The following SPC24 variants were observed in gnomAD, a reference collection of about 807,000 sequenced individuals.
SPC24 encodes the protein SPC24 component of NDC80 kinetochore complex.
SPC24 carries 31 observed loss-of-function variants against 27.6 expected under a neutral mutation model. The ratio of observed to expected loss-of-function variants is 1.12; its 90% CI spans 0.84 to 1.52. The LOEUF (loss-of-function observed/expected upper bound fraction) is 1.52. Ranked by LOEUF, SPC24 falls within the 40% of genes most tolerant of loss-of-function variation. The probability of loss-of-function intolerance (pLI) is 0.00; values close to 1 mark genes in which losing one functional copy is unlikely to be tolerated. For missense variants in SPC24, 284 were observed against 252.5 expected, an observed-to-expected ratio of 1.12 and a Z score of -0.84; for synonymous variants, 105 against 105.8, an observed-to-expected ratio of 0.99 and a Z score of 0.05.
Position 11,147,294 on chromosome 19 carries a change from G to GGCACAGATGTAAGGAAAGCCCGGGAC in SPC24, c.488-31_488-6dup. On this transcript the variant is annotated splice_region_variant and splice_polypyrimidine_tract_variant and intron_variant, in intron 4 of 4. Coordinates refer to ENST00000592540, the MANE Select transcript of SPC24 (RefSeq NM_182513.4). ...CCACACTGGGGCCATGATGGACTGA[G>GGCACAGATGTAAGGAAAGCCCGGGAC]GCACAGATGTAAGGAAAGCCCGGGA... 2 of 1,558,370 alleles carry GGCACAGATGTAAGGAAAGCCCGGGAC rather than the reference G, an allele frequency of 1.3e-6. No homozygotes were observed. Among genetic ancestry groups the GGCACAGATGTAAGGAAAGCCCGGGAC allele is most frequent in the Non-Finnish European group, 1.7e-6 (2 of 1,149,472 alleles).
In SPC24 at chr19:11,149,320, A is replaced by G. The variant is rs1164633304; in HGVS notation, c.161-82T>C. On this transcript the variant is annotated intron_variant, in intron 1 of 4. Transcript: ENST00000592540. The stretch of plus-strand genomic sequence containing the variant: ...AGAGAAGGTGGTTCCACTTGCCTCC[A>G]CTGGCAAGAAACATGCCCCTTGTCT... 10 of 1,304,714 alleles carry G rather than the reference A, an allele frequency of 7.7e-6. No homozygotes were observed. The East Asian group carries it at 2.0e-4, about 26-fold the overall frequency. 80.8% of individuals were successfully genotyped at this position (1,304,714 alleles called of 1,614,324 possible).
intron 1 of SPC24, among the ~76,000 whole-genome samples, chr19:11,153,660 T>C (rs911236794): frequency 9.3e-5 from 14 of 150,432 alleles, no homozygotes; most frequent in Admixed American, 8.0e-4. Context: ...CTTGGCAGGC[T>C]GAGGCAGGAG....
chr19:11,153,290 T>C (rs1483300121), intron 1 of SPC24, among the ~76,000 whole-genome samples: 1 of 134,766 alleles, frequency 7.4e-6, no homozygotes, highest in Non-Finnish European at 1.5e-5. Context: ...CCAAAAAAAA[T>C]ACAAAAAAAA....
chr19:11,155,533 G>A (rs1004205418), intron 1 of SPC24, 84 bp downstream of exon 1: 3 of 1,432,470 alleles, frequency 2.1e-6, no homozygotes, highest in African/African-American at 2.9e-5. Flanking sequence ...CAGGAGAGAA[G>A]GGGTTTTGAG....
At chr19:11,150,678 C>T (rs1221871872) in intron 1 of SPC24, among the ~76,000 whole-genome samples, 3 of 151,976 alleles carry the variant, frequency 2.0e-5, no homozygotes, top group Non-Finnish European at 4.4e-5. Context: ...CACCTGTAGT[C>T]CCACCTACTT....
chr19:11,148,019 G>C lies in SPC24; in HGVS notation c.404C>G (p.Ser135Trp), dbSNP rs763084194. 6.2e-7 allele frequency: 1 copy of C among 1,613,430 alleles called. No individual in the cohort carries two copies. Among genetic ancestry groups the C allele is most frequent in the Admixed American group, 1.7e-5 (1 of 59,936 alleles). Reference protein sequence around the residue: ...VDEDTTVTIPSAVYVAQLYHQ... With the variant: ...VDEDTTVTIPWAVYVAQLYHQ... ...ACGTTTTGGCAGAACCTACACGGCCGAGGGGATTGTGACTGTCGTGTCCTC... is the reference window on the plus strand; with the variant it reads ...ACGTTTTGGCAGAACCTACACGGCCCAGGGGATTGTGACTGTCGTGTCCTC... Residue 135 changes from serine (S) to tryptophan (W), a missense_variant, in exon 3 of 5, where the codon TCG becomes TGG. Physicochemically the swap from Ser to Trp is radical, Grantham distance 177. Transcript: ENST00000592540.
At chr19:11,147,774 A>G (rs374822868) in intron 4 of SPC24, 44 bp downstream of exon 4, 1 of 1,536,994 alleles carries the variant, frequency 6.5e-7, no homozygotes, top group Non-Finnish European at 8.9e-7. Context: ...TTATGTCCCT[A>G]CCTACAGTGC....
At chr19:11,154,182 T>G (rs951483061) in intron 1 of SPC24, among the ~76,000 whole-genome samples, 10 of 152,252 alleles carry the variant, frequency 6.6e-5, no homozygotes, top group African/African-American at 2.4e-4. Context: ...CATGGATGGA[T>G]GAATGAATAA....
intron 2 of SPC24, 108 bp downstream of exon 2, chr19:11,148,986 A>G: frequency 8.8e-7 from 1 of 1,136,772 alleles, no homozygotes; most frequent in Non-Finnish European, 1.2e-6. Context: ...GGCTCAAGTG[A>G]TCCTCCCACC....
chr19:11,155,550 C>T, intron 1 of SPC24, 67 bp downstream of exon 1: 2 of 1,487,872 alleles, frequency 1.3e-6, no homozygotes, highest in African/African-American at 1.4e-5. Context: ...TGAGGTGGGC[C>T]TGGTCGCCCC....
chr19:11,154,569 T>C (rs2077896964), intron 1 of SPC24, among the ~76,000 whole-genome samples: 1 of 152,126 alleles, frequency 6.6e-6, no homozygotes, highest in Non-Finnish European at 1.5e-5. Context: ...AAGGAAATTC[T>C]GATACAGGCT....
chr19:11,154,122 C>T (rs1443593209), intron 1 of SPC24, among the ~76,000 whole-genome samples: 1 of 152,078 alleles, frequency 6.6e-6, no homozygotes, highest in Non-Finnish European at 1.5e-5. Flanking sequence ...CACCCGTGTT[C>T]ATAGCAGCGT....
chr19:11,152,599 T>G (rs995110395), intron 1 of SPC24, among the ~76,000 whole-genome samples: 3 of 152,128 alleles, frequency 2.0e-5, no homozygotes, highest in African/African-American at 7.2e-5. Context: ...CACAGGTACA[T>G]AGCTCCAAAC....
Position 11,146,722 on chromosome 19 carries a change from C to G in SPC24, c.*461G>C, listed in dbSNP as rs777256316. 2 of 145,062 alleles carry G rather than the reference C, an allele frequency of 1.4e-5. No individual in the cohort carries two copies. Among genetic ancestry groups the G allele is most frequent in the Non-Finnish European group, 3.0e-5 (2 of 67,190 alleles). 9.0% of individuals were successfully genotyped at this position (145,062 alleles called of 1,614,324 possible). On this transcript the variant is annotated 3_prime_UTR_variant, in exon 5 of 5. Coordinates refer to ENST00000592540, the MANE Select transcript of SPC24 (RefSeq NM_182513.4). The stretch of plus-strand genomic sequence containing the variant: ...GGCGGAGCTTGCAGTGAGCTGAGAT[C>G]GCACCACTGCACTCCAGCCTGGGCG...
At chr19:11,150,662 G>A (rs1019229096) in intron 1 of SPC24, among the ~76,000 whole-genome samples, 9 of 151,978 alleles carry the variant, frequency 5.9e-5, no homozygotes, top group African/African-American at 2.2e-4. Flanking sequence ...TGGGCATTGT[G>A]GTGTGCACCT....
chr19:11,148,868 G>A (rs920029867), intron 2 of SPC24, among the ~76,000 whole-genome samples: 6 of 151,862 alleles, frequency 4.0e-5, no homozygotes, highest in Admixed American at 2.6e-4. Flanking sequence ...CACCTGCCTC[G>A]GCCTCCCAAA....
rs1232458138 is a variant in SPC24 at position 11,147,153 on chromosome 19, G to A, written c.*30C>T. ...GATCTGACCACGGCAGATGCCCGCT[G>A]GGTGCAAGACGCAGCCACGAGGCTC... On this transcript the variant is annotated 3_prime_UTR_variant, in exon 5 of 5. Transcript: ENST00000592540. 2.1e-6 allele frequency: 3 copies of A among 1,420,372 alleles called. No homozygotes were observed. Among genetic ancestry groups the A allele is most frequent in the Non-Finnish European group, 1.9e-6 (2 of 1,033,794 alleles). 88.0% of individuals were successfully genotyped at this position (1,420,372 alleles called of 1,614,324 possible). A position where few individuals can be genotyped will look rare whatever the true frequency, so the allele number is the denominator to read the frequency against.
chr19:11,154,995 G>A (rs184089533), intron 1 of SPC24, among the ~76,000 whole-genome samples: 55 of 152,244 alleles, frequency 3.6e-4, no homozygotes, highest in Middle Eastern at 3.4e-3. Flanking sequence ...AGACCAGCCT[G>A]GCCAACGTGG....
chr19:11,148,327 C>T (rs1369783657), intron 2 of SPC24, among the ~76,000 whole-genome samples: 1 of 151,978 alleles, frequency 6.6e-6, no homozygotes, highest in Non-Finnish European at 1.5e-5. Context: ...GGAGCCCCTG[C>T]CTACCGAGTA....
Sources: allele counts gnomAD v4.1 joint callset (sites outside exome capture counted in the v4.1 genomes callset), GRCh38; gene constraint gnomAD v4.1.1; transcripts MANE v1.5; gene names NCBI Gene and HGNC (gene_info 2026-07-23, HGNC 2026-07-21).